FCHO2: variants seen among roughly 807,000 people sequenced by gnomAD.
FCHO2 encodes the protein FCH and mu domain containing endocytic adaptor 2, also known as F-BAR domain only protein 2.
Under a neutral mutation model 114.1 loss-of-function variants are expected in FCHO2, and 43 were observed. The observed-to-expected ratio is 0.38, with a 90% confidence interval of 0.30 to 0.49. The LOEUF (loss-of-function observed/expected upper bound fraction) is 0.49. Among genes scored for constraint, FCHO2 ranks in the 20% least tolerant of loss-of-function variants. The probability of loss-of-function intolerance (pLI) is 0.97; values close to 1 mark genes in which losing one functional copy is unlikely to be tolerated. For synonymous variants in FCHO2, 293 were observed against 315.2 expected, an observed-to-expected ratio of 0.93 and a Z score of 0.75; for missense variants, 807 against 950.4, an observed-to-expected ratio of 0.85 and a Z score of 1.98.
chr5:73,085,564 C>G (rs1743270720), intron 24 of FCHO2, among the ~76,000 whole-genome samples: 1 of 148,584 alleles, frequency 6.7e-6, no homozygotes, highest in Non-Finnish European at 1.5e-5. Context: ...CACTTGAGGC[C>G]AGGAGTTGGA....
At chr5:73,077,720 C>T (rs1211158253) in intron 21 of FCHO2, among the ~76,000 whole-genome samples, 2 of 151,964 alleles carry the variant, frequency 1.3e-5, no homozygotes, top group Non-Finnish European at 2.9e-5. Context: ...CATGATGGTG[C>T]GTTCCTGTAG....
At chr5:73,082,128 C>T (rs779814899) in intron 23 of FCHO2, 146 bp downstream of exon 23, 60 of 621,302 alleles carry the variant, frequency 9.7e-5, no homozygotes, top group Non-Finnish European at 1.5e-4. Context: ...AGATGCAGTT[C>T]ATTTTACTAG....
intron 6 of FCHO2, among the ~76,000 whole-genome samples, chr5:73,009,710 T>C (rs59803149): frequency 0.12 from 17,918 of 152,224 alleles, 1,262 homozygotes; most frequent in Non-Finnish European, 0.17. Context: ...CTAATTTTTG[T>C]ATTTTTAGTA....
intron 8 of FCHO2, among the ~76,000 whole-genome samples, chr5:73,029,933 A>G (rs1756139474): frequency 1.3e-5 from 2 of 152,220 alleles, no homozygotes; most frequent in Non-Finnish European, 2.9e-5. Context: ...TTTGGAGGGT[A>G]CAGACATCCA....
intron 5 of FCHO2, among the ~76,000 whole-genome samples, chr5:72,998,795 A>T (rs1754269713): frequency 6.6e-6 from 1 of 151,622 alleles, no homozygotes; most frequent in Admixed American, 6.6e-5. Context: ...AAACAAGTTT[A>T]ATGTAATGAT....
intron 18 of FCHO2, among the ~76,000 whole-genome samples, chr5:73,064,833 T>C (rs1201418352): frequency 6.6e-6 from 1 of 152,018 alleles, no homozygotes; most frequent in East Asian, 1.9e-4. Context: ...ATGTCACAAA[T>C]TGACTTCTTT....
At position 72,956,117 on chromosome 5, in the gene FCHO2, C is replaced by G. The variant is rs1751515499; in HGVS notation, c.21C>G (p.Val7=). ...GCACGATGGTCATGGCGTATTTCGT[C>G]GAGAATTTTTGGGTAAGCTTAGGAT... MVMAYF[V]ENFWGEKNSG... is the part of the protein sequence containing the mutation. Residue 7 remains valine (V), a synonymous_variant, in exon 1 of 26, where the codon GTC becomes GTG. Transcript: ENST00000430046. The G allele has an allele frequency of 2.6e-6, 4 of 1,541,692 alleles. No individual in the cohort carries two copies. The highest frequency in any genetic ancestry group is 1.4e-5 in the African/African-American group (1 of 71,282).
chr5:72,987,887 T>G (rs1324988586), intron 2 of FCHO2, among the ~76,000 whole-genome samples: 1 of 151,978 alleles, frequency 6.6e-6, no homozygotes, highest in Non-Finnish European at 1.5e-5. Flanking sequence ...TGGGAAAGAG[T>G]TTGGAGATTA....
In FCHO2 at chr5:72,990,884, C is replaced by T. The variant is rs1388657838; in HGVS notation, c.495+20C>T. The T allele has an allele frequency of 4.6e-6, 7 of 1,528,838 alleles. No individual in the cohort carries two copies. Among genetic ancestry groups the T allele is most frequent in the Middle Eastern group, 1.7e-4 (1 of 5,856 alleles). The allele number at this position is 1,528,838 out of a possible 1,614,324, so 94.7% of individuals were successfully genotyped here. ...GAAAAGGTAATCATAATAAAAATTA[C>T]ATATCTGTGGTTTCAAAGCACCTTG... On this transcript the variant is annotated intron_variant, in intron 5 of 25. Transcript: ENST00000430046.
chr5:72,996,530 C>G (rs183755618), intron 5 of FCHO2, among the ~76,000 whole-genome samples: 1 of 150,442 alleles, frequency 6.6e-6, no homozygotes, highest in Non-Finnish European at 1.5e-5. Flanking sequence ...TCTGCTTACC[C>G]CCCTCCCTTA....
chr5:73,081,705 G>A lies in FCHO2; in HGVS notation c.1981-78G>A, dbSNP rs892235338. On this transcript the variant is annotated intron_variant, in intron 22 of 25. Transcript: ENST00000430046. ...TATTTTTGATTTTGTGGACTTACAT[G>A]TTCAAGTGTCCATGTCATTAACATG... is the stretch of plus-strand genomic sequence containing the variant. 4.6e-6 allele frequency: 5 copies of A among 1,097,300 alleles called. No homozygotes were observed. In the South Asian group the frequency reaches 9.8e-5, roughly 21 times the overall value. 68.0% of individuals were successfully genotyped at this position (1,097,300 alleles called of 1,614,324 possible).
chr5:73,073,572 T>C (rs993576982), intron 19 of FCHO2, among the ~76,000 whole-genome samples: 4 of 152,136 alleles, frequency 2.6e-5, no homozygotes, highest in African/African-American at 7.2e-5. Context: ...ACTTTTTAAC[T>C]GTGAAGAAGC....
Position 73,004,885 on chromosome 5 carries a change from T to C in FCHO2, c.496-1560T>C, listed in dbSNP as rs191723122. ...ACTGTGCCTAATTTATAAATTAAAC[T>C]TTATCATAGTTATGTATGTATAGGA... On this transcript the variant is annotated intron_variant, in intron 5 of 25. Coordinates refer to ENST00000430046, the MANE Select transcript of FCHO2 (RefSeq NM_138782.3). Among the ~76,000 whole-genome samples, 204 of 152,356 alleles carry C rather than the reference T, an allele frequency of 1.3e-3. 2 individuals are homozygous for C. The highest frequency in any genetic ancestry group is 4.8e-3 in the African/African-American group (198 of 41,584).
At position 73,027,021 on chromosome 5, in the gene FCHO2, T is replaced by TTG. The variant is rs756297614; in HGVS notation, c.797-7635_797-7634insGT. ...ATTGTTTTTTTTTTGTTTGTTTGTT[T>TTG]TTTTTTTTTTTTTTTTAGTGTAGTA... is the stretch of plus-strand genomic sequence containing the variant. On this transcript the variant is annotated intron_variant, in intron 8 of 25. Coordinates refer to ENST00000430046, the MANE Select transcript of FCHO2 (RefSeq NM_138782.3). Among the ~76,000 whole-genome samples the TTG allele has an allele frequency of 7.2e-3, 919 of 127,748 alleles. 11 individuals are homozygous for TTG. The highest frequency in any genetic ancestry group is 0.021 in the African/African-American group (743 of 34,970). The allele number at this position is 127,748 out of a possible 152,430, so 83.8% of individuals were successfully genotyped here.
intron 24 of FCHO2, among the ~76,000 whole-genome samples, chr5:73,084,742 G>T (rs1379116622): frequency 1.3e-5 from 2 of 152,182 alleles, no homozygotes; most frequent in Admixed American, 1.3e-4. Context: ...CACCTGCCAT[G>T]CAGAATAAGA....
At chr5:73,014,413 C>G (rs1286964115) in intron 6 of FCHO2, among the ~76,000 whole-genome samples, 1 of 151,134 alleles carries the variant, frequency 6.6e-6, no homozygotes, top group African/African-American at 2.4e-5. Flanking sequence ...CTCAGCCTGC[C>G]AAGTAGCTGG....
chr5:73,056,132 T>TA, intron 16 of FCHO2, 25 bp downstream of exon 16: 1 of 1,505,976 alleles, frequency 6.6e-7, no homozygotes, highest in Non-Finnish European at 8.9e-7. Flanking sequence ...TTAATTTTGT[T>TA]AAAAAATAGA....
At chr5:72,957,883 A>G (rs1208614797) in intron 1 of FCHO2, among the ~76,000 whole-genome samples, 2 of 152,188 alleles carry the variant, frequency 1.3e-5, no homozygotes, top group South Asian at 2.1e-4. Context: ...GTGAAGTAGT[A>G]TTAATATTTT....
rs1019295510 is a variant in FCHO2 at position 72,970,686 on chromosome 5, C to CT, written c.125+2106dup. Reference sequence around the variant, plus strand: ...TTTCTTTTTATTTTTCTTTCTTTTTCTTTTTTTTTATTTTTTATTTTTTAT... The same window carrying CT: ...TTTCTTTTTATTTTTCTTTCTTTTTCTTTTTTTTTTATTTTTTATTTTTTAT... On this transcript the variant is annotated intron_variant, in intron 2 of 25. Transcript: ENST00000430046. 5.6e-4 allele frequency among the ~76,000 whole-genome samples: 85 copies of CT among 150,550 alleles called. 1 individual carries two copies. The highest frequency in any genetic ancestry group is 1.8e-3 in the African/African-American group (74 of 41,132).
Sources: allele counts gnomAD v4.1 joint callset (sites outside exome capture counted in the v4.1 genomes callset), GRCh38; gene constraint gnomAD v4.1.1; transcripts MANE v1.5; gene names NCBI Gene and HGNC (gene_info 2026-07-23, HGNC 2026-07-21).